Variants in STK31 observed in about 807,000 individuals in gnomAD.
STK31 encodes the protein serine/threonine-protein kinase 31.
In STK31, 89 loss-of-function variants were observed where a neutral mutation model predicts 129.7. The observed-to-expected ratio is 0.69, with a 90% CI of 0.58 to 0.82. The LOEUF (loss-of-function observed/expected upper bound fraction) is 0.82, where lower values mean the gene tolerates loss of function less well. STK31 is among the 40% of genes least tolerant of loss of function. STK31 has a pLI of 0.00. For missense variants in STK31, 1,187 were observed against 1,176.4 expected, an observed-to-expected ratio of 1.01 and a Z score of -0.13; for synonymous variants, 448 against 395.3, an observed-to-expected ratio of 1.13 and a Z score of -1.58.
rs527669101 is a variant in STK31, at chr7:23,832,372, T to C, written c.*6T>C. ...AAGCCAACTTTGATTGTTAAATTAT[T>C]ATTGTTGTTGTTGCAGAGGTTCTTT... is the stretch of plus-strand genomic sequence containing the variant. On this transcript the variant is annotated 3_prime_UTR_variant, in exon 24 of 24. Transcript: ENST00000355870. 2 of 1,599,216 alleles carry C rather than the reference T, an allele frequency of 1.3e-6. No homozygotes were observed. The highest frequency in any genetic ancestry group is 2.3e-5 in the South Asian group (2 of 88,736).
intron 15 of STK31, among the ~76,000 whole-genome samples, chr7:23,781,068 A>G (rs1418900284): frequency 1.3e-5 from 2 of 152,256 alleles, no homozygotes; most frequent in Non-Finnish European, 2.9e-5. Context: ...AGACAATTCT[A>G]GGGAATTCAG....
intron 23 of STK31, among the ~76,000 whole-genome samples, chr7:23,831,180 TA>T (rs1794520822): frequency 6.6e-6 from 1 of 152,234 alleles, no homozygotes; most frequent in African/African-American, 2.4e-5. Context: ...TCAGTTTTTT[TA>T]AAATTAATTT....
rs1008705955 is a variant in STK31, at chr7:23,735,454, T to C, written c.484-84T>C. ...ATAGAGATTTTAGAATGAAGAAATA[T>C]GATGCTTGGAAAAAATGGGTAGGAA... On this transcript the variant is annotated intron_variant, in intron 6 of 23. Coordinates refer to ENST00000355870, the MANE Select transcript of STK31 (RefSeq NM_031414.5). The C allele has an allele frequency of 3.4e-5, 41 of 1,215,572 alleles. No individual in the cohort carries two copies. In the Admixed American group the frequency reaches 8.1e-4, roughly 24 times the overall value. 75.3% of individuals were successfully genotyped at this position (1,215,572 alleles called of 1,614,324 possible).
intron 22 of STK31, among the ~76,000 whole-genome samples, chr7:23,795,543 G>A (rs373174015): frequency 2.2e-4 from 34 of 152,196 alleles, no homozygotes; most frequent in African/African-American, 8.2e-4. Context: ...GTAGAGCTGT[G>A]AGAAGAGGGC....
At position 23,796,142 on chromosome 7, in the gene STK31, CTG is replaced by C. The variant is rs1459483199; in HGVS notation, c.2760+5202_2760+5203del. Among the ~76,000 whole-genome samples, 29 of 152,178 alleles carry C rather than the reference CTG, an allele frequency of 1.9e-4. No homozygotes were observed. The East Asian group carries it at 5.6e-3, about 29-fold the overall frequency. ...ATCTCACCTTGAATTTTAATAATTC[CTG>C]TGTGTCAAGGGCAGGCCCAGGTGGA... On this transcript the variant is annotated intron_variant, in intron 22 of 23. Transcript: ENST00000355870.
chr7:23,727,556 C>A (rs748655846), intron 5 of STK31: 6 of 137,434 alleles, frequency 4.4e-5, no homozygotes, highest in East Asian at 3.4e-4. Flanking sequence ...TACCTCAGTT[C>A]TTTTTTTTTT....
At position 23,729,221 on chromosome 7, in the gene STK31, C is replaced by T; in HGVS notation, c.455C>T (p.Ser152Phe). 6.2e-7 allele frequency: 1 copy of T among 1,606,370 alleles called. No individual in the cohort carries two copies. The highest frequency in any genetic ancestry group is 8.5e-7 in the Non-Finnish European group (1 of 1,178,070). Residue 152 changes from serine to phenylalanine, a missense_variant, in exon 6 of 24, where the codon TCT becomes TTT. Ser to Phe is a radical substitution (Grantham distance 155, BLOSUM62 -2). Transcript: ENST00000355870. ...KYKLWGLHIP[S>F]DQEVTQFDQG... ...AAACTTTGGGGACTACACATTCCTT[C>T]TGATCAAGAAGTTACCCAGTTTGAT...
Position 23,771,086 on chromosome 7 carries a change from A to G in STK31, c.1795A>G (p.Ile599Val). 1 of 1,613,060 alleles carries G rather than the reference A, an allele frequency of 6.2e-7. No individual in the cohort carries two copies. The highest frequency in any genetic ancestry group is 8.5e-7 in the Non-Finnish European group (1 of 1,179,420). The change falls in exon 14 of 24, where the codon ATT (isoleucine) becomes GTT (valine). Residue 599 changes from isoleucine (I) to valine (V), a missense_variant. Around this residue, in one of 5 missense-constraint regions of STK31, gnomAD observed 975 missense variants for 934.9 expected, o/e 1.04. Coordinates refer to ENST00000355870, the MANE Select transcript of STK31 (RefSeq NM_031414.5). ...LQKIHSEERLIATVQAKYKDS... is the reference protein window; with the variant it reads ...LQKIHSEERLVATVQAKYKDS... Reference sequence around the variant, plus strand: ...AAAGATTCATTCAGAGGAAAGGCTCATTGCCACAGTACAAGCTAAGTACAA... The same window carrying G: ...AAAGATTCATTCAGAGGAAAGGCTCGTTGCCACAGTACAAGCTAAGTACAA...
chr7:23,731,190 T>G (rs1787414148), intron 6 of STK31, among the ~76,000 whole-genome samples: 1 of 151,952 alleles, frequency 6.6e-6, no homozygotes, highest in Non-Finnish European at 1.5e-5. Flanking sequence ...AACATTTGTA[T>G]TTGGATGCTT....
chr7:23,758,162 G>C (rs7807336), intron 10 of STK31, among the ~76,000 whole-genome samples: 78,445 of 151,938 alleles, frequency 0.52, 20,527 homozygotes, highest in East Asian at 0.61. Context: ...AGTCTGATCT[G>C]CCTTTCTTTT....
intron 23 of STK31, among the ~76,000 whole-genome samples, chr7:23,827,178 A>T (rs1406349737): frequency 6.6e-6 from 1 of 152,242 alleles, no homozygotes; most frequent in Non-Finnish European, 1.5e-5. Context: ...CCTGGATAAT[A>T]TGCTGAAGAG....
At chr7:23,761,078 T>C (rs530880850) in intron 10 of STK31, among the ~76,000 whole-genome samples, 15 of 149,518 alleles carry the variant, frequency 1.0e-4, no homozygotes, top group African/African-American at 3.4e-4. Context: ...TAATGTATTT[T>C]CATGTAAGAT....
chr7:23,777,753 G>T (rs977446919), intron 15 of STK31, among the ~76,000 whole-genome samples: 5 of 151,956 alleles, frequency 3.3e-5, no homozygotes, highest in Admixed American at 2.6e-4. Flanking sequence ...TGGGTCTCCT[G>T]AATATAGCAC....
At chr7:23,770,983 C>G in intron 13 of STK31, 22 bp from the exon 14 acceptor site, 1 of 1,601,518 alleles carries the variant, frequency 6.2e-7, no homozygotes, top group Non-Finnish European at 8.5e-7. Context: ...GTGTATAATT[C>G]TATGTGTGTG....
chr7:23,721,362 G>A (rs537175659), intron 4 of STK31: 11 of 840,838 alleles, frequency 1.3e-5, no homozygotes, highest in Admixed American at 2.0e-5. Flanking sequence ...AAGGGGCAGC[G>A]TTGTGATTTT....
intron 22 of STK31, among the ~76,000 whole-genome samples, chr7:23,796,430 T>A (rs537470457): frequency 6.6e-6 from 1 of 152,272 alleles, no homozygotes; most frequent in South Asian, 2.1e-4. Flanking sequence ...TTCCACCTAT[T>A]TCCTTTAAAT....
intron 8 of STK31, among the ~76,000 whole-genome samples, chr7:23,740,408 T>G (rs1004926316): frequency 6.6e-6 from 1 of 152,230 alleles, no homozygotes; most frequent in Non-Finnish European, 1.5e-5. Flanking sequence ...TTATTAAGTT[T>G]TTCATTAATC....
rs180848077 is a variant in STK31, at chr7:23,727,358, T to C, written c.324+43T>C. 781 of 1,571,310 alleles carry C rather than the reference T, an allele frequency of 5.0e-4. 2 individuals carry two copies. The African/African-American group carries it at 5.8e-3, about 12-fold the overall frequency. On this transcript the variant is annotated intron_variant, in intron 5 of 23. Transcript: ENST00000355870. The stretch of plus-strand genomic sequence containing the variant: ...CAGTTTTTTTTTGCTTTAAGAAATA[T>C]TTATTGTGGTTCAAAAATTTGATGC...
chr7:23,736,747 A>C (rs746380497), intron 7 of STK31, among the ~76,000 whole-genome samples, 157 bp from the exon 8 acceptor site: 2 of 152,192 alleles, frequency 1.3e-5, no homozygotes, highest in Non-Finnish European at 2.9e-5. Context: ...GTTTGCATTA[A>C]ATTATTTTTT....
Sources: gnomAD v4.1 joint callset for allele counts (sites outside exome capture counted in the v4.1 genomes callset) on GRCh38, gnomAD v4.1.1 for gene constraint, gnomAD v4.1.1 regional missense constraint, MANE v1.5 for transcripts, NCBI Gene and HGNC (gene_info 2026-07-23, HGNC 2026-07-21) for gene names.